KSR2: variants seen among roughly 807,000 people sequenced by gnomAD.
KSR2 encodes kinase suppressor of ras 2.
In KSR2, 25 loss-of-function variants were observed where a neutral mutation model predicts 107.8. That is an observed-to-expected ratio of 0.23 (90% confidence interval 0.17 to 0.32). The LOEUF (loss-of-function observed/expected upper bound fraction) is 0.32. Ranked by LOEUF, KSR2 falls within the 10% of genes least tolerant of loss-of-function variation. KSR2 has a pLI of 1.00. For missense variants in KSR2, 887 were observed against 1,268.9 expected, an observed-to-expected ratio of 0.70 and a Z score of 4.57; for synonymous variants, 480 against 507.0, an observed-to-expected ratio of 0.95 and a Z score of 0.71.
intron 14 of KSR2, among the ~76,000 whole-genome samples, chr12:117,492,167 C>G (rs1183992381): frequency 2.0e-5 from 3 of 152,198 alleles, no homozygotes; most frequent in Non-Finnish European, 2.9e-5. Context: ...TCAAGGCTGC[C>G]CTTTGAGTCC....
intron 4 of KSR2, among the ~76,000 whole-genome samples, chr12:117,727,286 G>A (rs1036764565): frequency 2.6e-5 from 4 of 151,920 alleles, no homozygotes; most frequent in Admixed American, 6.6e-5. Context: ...GAGGCGGGAC[G>A]ATCACTTGAG....
At chr12:117,487,530 TG>T (rs1225397854) in intron 14 of KSR2, among the ~76,000 whole-genome samples, 1 of 152,114 alleles carries the variant, frequency 6.6e-6, no homozygotes. Context: ...GGAGGAAGGG[TG>T]GGCAGAGCAG....
Position 117,485,608 on chromosome 12 carries a change from T to C in KSR2, c.2303A>G (p.Gln768Arg), listed in dbSNP as rs1872417396. Residue 768 changes from glutamine to arginine, a missense_variant, in exon 15 of 20, where the codon CAA (glutamine) becomes CGA (arginine). By Grantham distance (43) the Gln-to-Arg change is conservative. Around this residue, in one of 8 missense-constraint regions of KSR2, gnomAD observed 308 missense variants for 506.2 expected, o/e 0.61. Transcript: ENST00000339824. ...LDVNKTRQIA[Q>R]EIVKGMGYLH... ...AGCCGACAGTACCTTCACAATTTCT[T>C]GAGCAATCTGCCTGGTTTTGTTGAC... 15 of 1,613,428 alleles carry C rather than the reference T, an allele frequency of 9.3e-6. No homozygotes were observed. The highest frequency in any genetic ancestry group is 1.3e-5 in the Non-Finnish European group (15 of 1,179,408).
intron 3 of KSR2, among the ~76,000 whole-genome samples, chr12:117,810,655 A>G (rs564706398): frequency 6.6e-6 from 1 of 152,314 alleles, no homozygotes; most frequent in East Asian, 1.9e-4. Context: ...CAATTAAATT[A>G]TCATTTCTTA....
intron 1 of KSR2, among the ~76,000 whole-genome samples, chr12:117,937,133 G>T (rs899518988): frequency 6.6e-6 from 1 of 152,194 alleles, no homozygotes; most frequent in African/African-American, 2.4e-5. Context: ...CTAAATAGTA[G>T]CGGGGGAAAG....
intron 4 of KSR2, among the ~76,000 whole-genome samples, chr12:117,709,303 T>C (rs1160038865): frequency 1.3e-5 from 2 of 152,154 alleles, no homozygotes; most frequent in Admixed American, 6.6e-5. Context: ...TCAGGGAACA[T>C]GACCTGCACC....
intron 5 of KSR2, among the ~76,000 whole-genome samples, chr12:117,648,609 T>C (rs11068599): frequency 0.1 from 15,764 of 152,258 alleles, 912 homozygotes; most frequent in African/African-American, 0.14. Context: ...ACATTTCATT[T>C]CCTACAGTCT....
intron 4 of KSR2, among the ~76,000 whole-genome samples, chr12:117,705,321 G>C (rs561386019): frequency 3.4e-4 from 52 of 152,322 alleles, no homozygotes; most frequent in African/African-American, 1.3e-3. Flanking sequence ...CAAAATGCCA[G>C]CTCCATTCAT....
At chr12:117,820,284 T>C (rs1283503464) in intron 3 of KSR2, among the ~76,000 whole-genome samples, 2 of 151,988 alleles carry the variant, frequency 1.3e-5, no homozygotes, top group African/African-American at 4.8e-5. Context: ...AGATAAAGGT[T>C]TGGGGGCACT....
intron 4 of KSR2, among the ~76,000 whole-genome samples, chr12:117,690,148 C>A (rs185337255): frequency 6.6e-6 from 1 of 152,184 alleles, no homozygotes; most frequent in Non-Finnish European, 1.5e-5. Flanking sequence ...GTCTTCCAAC[C>A]TCTGGTTTAG....
intron 5 of KSR2, among the ~76,000 whole-genome samples, chr12:117,594,097 T>C (rs1442369769): frequency 6.6e-6 from 1 of 152,220 alleles, no homozygotes; most frequent in Non-Finnish European, 1.5e-5. Flanking sequence ...CGGAGTTGTC[T>C]GAGCTGAAAT....
chr12:117,865,243 T>C (rs1442332044), intron 1 of KSR2, among the ~76,000 whole-genome samples: 1 of 152,200 alleles, frequency 6.6e-6, no homozygotes, highest in Non-Finnish European at 1.5e-5. Flanking sequence ...TCTTCCTAAT[T>C]TGTAATTTAA....
At chr12:117,656,032 C>T (rs1436957754) in intron 5 of KSR2, among the ~76,000 whole-genome samples, 4 of 152,106 alleles carry the variant, frequency 2.6e-5, no homozygotes, top group African/African-American at 9.7e-5. Context: ...CTGCTGAAGG[C>T]AAACGGAATA....
intron 5 of KSR2, among the ~76,000 whole-genome samples, chr12:117,631,508 TAG>T (rs1322225408): frequency 6.6e-6 from 1 of 152,252 alleles, no homozygotes; most frequent in East Asian, 1.9e-4. Context: ...ATCATAAATC[TAG>T]GTCTTTTATT....
intron 3 of KSR2, among the ~76,000 whole-genome samples, chr12:117,837,965 T>G (rs2137145229): frequency 6.6e-6 from 1 of 151,866 alleles, no homozygotes; most frequent in South Asian, 2.1e-4. Context: ...CAACCCCACA[T>G]TTCTGAATCC....
At chr12:117,722,598 AC>A (rs1887257578) in intron 4 of KSR2, among the ~76,000 whole-genome samples, 2 of 152,194 alleles carry the variant, frequency 1.3e-5, no homozygotes, top group Admixed American at 1.3e-4. Context: ...TCAGAAAGTT[AC>A]CCTATATGGT....
intron 3 of KSR2, among the ~76,000 whole-genome samples, chr12:117,788,956 G>A (rs4767620): frequency 0.033 from 5,065 of 152,308 alleles, 125 homozygotes; most frequent in Non-Finnish European, 0.05. Flanking sequence ...TCCCTGGAGA[G>A]CTTATTAAAA....
chr12:117,576,504 A>ATT lies in KSR2; in HGVS notation c.1325+2613_1325+2614dup, dbSNP rs916185013. On this transcript the variant is annotated intron_variant, in intron 7 of 19. Transcript: ENST00000339824. ...TGCTCCTGCTTCTCCTTAAAAAAAAATTTTTTTTTTTGAGACAGGGTCTTG... is the reference window on the plus strand; with the variant it reads ...TGCTCCTGCTTCTCCTTAAAAAAAAATTTTTTTTTTTTTGAGACAGGGTCTTG... Among the ~76,000 whole-genome samples, 60 of 149,162 alleles carry ATT rather than the reference A, an allele frequency of 4.0e-4. No individual in the cohort carries two copies. In the Middle Eastern group the frequency reaches 0.021, roughly 52 times the overall value.
At chr12:117,794,207 AC>A (rs1890478610) in intron 3 of KSR2, among the ~76,000 whole-genome samples, 1 of 111,242 alleles carries the variant, frequency 9.0e-6, no homozygotes, top group African/African-American at 3.8e-5. Flanking sequence ...ATGCACACAT[AC>A]ACCAACATGC....
Sources: gnomAD v4.1 joint callset for allele counts (sites outside exome capture counted in the v4.1 genomes callset) on GRCh38, gnomAD v4.1.1 for gene constraint, gnomAD v4.1.1 regional missense constraint, MANE v1.5 for transcripts, NCBI Gene and HGNC (gene_info 2026-07-23, HGNC 2026-07-21) for gene names.